The following PTPRS variants were observed in gnomAD, a reference collection of about 807,000 sequenced individuals.
The protein encoded by PTPRS is receptor-type tyrosine-protein phosphatase S.
In PTPRS, 63 loss-of-function variants were observed where a neutral mutation model predicts 215.3. That is an observed-to-expected ratio of 0.29 (90% CI 0.24 to 0.36). The LOEUF (loss-of-function observed/expected upper bound fraction) is 0.36. Ranked by LOEUF, PTPRS falls within the 10% of genes least tolerant of loss-of-function variation. The probability of loss-of-function intolerance (pLI) is 1.00; values close to 1 mark genes in which losing one functional copy is unlikely to be tolerated. For missense variants in PTPRS, 2,258 were observed against 2,825.8 expected (o/e 0.80, Z 4.56); for synonymous variants, 1,404 against 1,191.4 (o/e 1.18, Z -3.68).
intron 1 of PTPRS, among the ~76,000 whole-genome samples, chr19:5,308,283 G>T (rs565378209): frequency 1.3e-5 from 2 of 152,334 alleles, no homozygotes; most frequent in South Asian, 4.1e-4. Context: ...GGATGGGTGA[G>T]AAATGATATC....
intron 9 of PTPRS, 88 bp from the exon 10 acceptor site, chr19:5,246,133 G>A (rs2044462929): frequency 1.5e-6 from 1 of 670,796 alleles, no homozygotes; most frequent in Non-Finnish European, 2.1e-6. Flanking sequence ...ATGCGGAGGA[G>A]AAAAAGAAAA....
At chr19:5,235,651 A>G (rs560552316) in intron 13 of PTPRS, among the ~76,000 whole-genome samples, 1 of 152,248 alleles carries the variant, frequency 6.6e-6, no homozygotes, top group South Asian at 2.1e-4. Context: ...TGCGCCTGGC[A>G]CTAGGCTAAG....
chr19:5,266,903 C>T (rs769970469), intron 4 of PTPRS, among the ~76,000 whole-genome samples: 19 of 152,244 alleles, frequency 1.2e-4, no homozygotes, highest in Admixed American at 2.0e-4. Flanking sequence ...GTCTACTGAT[C>T]GGAACACCAC....
At chr19:5,326,646 A>G (rs2050174725) in intron 1 of PTPRS, among the ~76,000 whole-genome samples, 1 of 151,844 alleles carries the variant, frequency 6.6e-6, no homozygotes, top group Non-Finnish European at 1.5e-5. Flanking sequence ...TGATCGTGCC[A>G]CTGCACTCCA....
chr19:5,281,084 G>A (rs766961810), intron 2 of PTPRS, among the ~76,000 whole-genome samples: 6 of 151,764 alleles, frequency 4.0e-5, no homozygotes, highest in Non-Finnish European at 7.4e-5. Context: ...GAGGCGCCGC[G>A]CCTGGCCCCT....
chr19:5,275,079 T>C lies in PTPRS; in HGVS notation c.92-735A>G, dbSNP rs867669726. Among the ~76,000 whole-genome samples the C allele has an allele frequency of 4.6e-3, 702 of 151,784 alleles. 6 individuals are homozygous for C. The Middle Eastern group carries it at 0.048, about 10-fold the overall frequency. Reference sequence around the variant, plus strand: ...CTGATCGTCATTTTCTTTTCTTTTTTTTTTTTTTCCAGACAGTGTCTCACT... The same window carrying C: ...CTGATCGTCATTTTCTTTTCTTTTTCTTTTTTTTCCAGACAGTGTCTCACT... On this transcript the variant is annotated intron_variant, in intron 2 of 37. Transcript: ENST00000262963.
intron 2 of PTPRS, among the ~76,000 whole-genome samples, chr19:5,275,666 C>T (rs992546086): frequency 9.2e-5 from 14 of 152,106 alleles, no homozygotes; most frequent in Non-Finnish European, 1.9e-4. Flanking sequence ...ATTAGCCAGA[C>T]ATAGTGGTGG....
At position 5,244,521 on chromosome 19, in the gene PTPRS, T is replaced by G. The variant is rs751141891; in HGVS notation, c.989-39A>C. On this transcript the variant is annotated intron_variant, in intron 10 of 37. Transcript: ENST00000262963. The surrounding 1 kb of genome is among the most constrained non-coding windows in gnomAD (Gnocchi z 7.2). The stretch of plus-strand genomic sequence containing the variant: ...GCAGCTGTGTCACGCATTGGGCACA[T>G]TGGTTGAGGACCCTGAAGGCTGTGT... 1 of 1,543,700 alleles carries G rather than the reference T, an allele frequency of 6.5e-7. No homozygotes were observed. The highest frequency in any genetic ancestry group is 8.9e-7 in the Non-Finnish European group (1 of 1,126,014).
At chr19:5,276,473 T>C (rs1003072448) in intron 2 of PTPRS, among the ~76,000 whole-genome samples, 14 of 152,072 alleles carry the variant, frequency 9.2e-5, no homozygotes, top group Non-Finnish European at 1.9e-4. Context: ...TCCACCTACC[T>C]TGGCCTCCCA....
At chr19:5,326,556 C>A (rs183586152) in intron 1 of PTPRS, among the ~76,000 whole-genome samples, 2 of 151,954 alleles carry the variant, frequency 1.3e-5, no homozygotes, top group African/African-American at 4.8e-5. Context: ...CACGGTGGCT[C>A]GTGCCTGTAA....
intron 19 of PTPRS, among the ~76,000 whole-genome samples, 161 bp from the exon 20 acceptor site, chr19:5,221,414 C>A (rs2041966919): frequency 6.6e-6 from 1 of 151,682 alleles, no homozygotes; most frequent in Non-Finnish European, 1.5e-5. Context: ...CAGGCTGAGT[C>A]CCCAACTCTG....
chr19:5,327,656 T>C (rs561840075), intron 1 of PTPRS, among the ~76,000 whole-genome samples: 10 of 152,222 alleles, frequency 6.6e-5, no homozygotes, highest in African/African-American at 2.2e-4. Flanking sequence ...CAGAGTGCAA[T>C]GGGGCATGAT....
At position 5,278,064 on chromosome 19, in the gene PTPRS, G is replaced by A. The variant is rs549128620; in HGVS notation, c.92-3720C>T. On this transcript the variant is annotated intron_variant, in intron 2 of 37. Transcript: ENST00000262963. ...TTCCTCCAAGAAACGCAAAACCAAC[G>A]TGGAAAGGGCCGCCCAGCTGCCGTC... The A allele has an allele frequency of 6.1e-5, 63 of 1,039,030 alleles. 2 individuals are homozygous for A. The highest frequency in any genetic ancestry group is 5.1e-4 in the South Asian group (37 of 72,970). 64.4% of individuals were successfully genotyped at this position (1,039,030 alleles called of 1,614,324 possible). A position where few individuals can be genotyped will look rare whatever the true frequency, so the allele number is the denominator to read the frequency against.
chr19:5,283,965 A>G (rs535478799), intron 2 of PTPRS, among the ~76,000 whole-genome samples: 11 of 152,264 alleles, frequency 7.2e-5, no homozygotes, highest in Admixed American at 2.6e-4. Context: ...CTGTAATCCC[A>G]GTACTTTGGG....
intron 1 of PTPRS, among the ~76,000 whole-genome samples, chr19:5,304,178 G>A (rs894800203): frequency 6.6e-6 from 1 of 152,018 alleles, no homozygotes; most frequent in African/African-American, 2.4e-5. Context: ...TTAAAGGCCA[G>A]GTCTTGGCCA....
At position 5,229,702 on chromosome 19, in the gene PTPRS, A is replaced by G; in HGVS notation, c.2156-18T>C. 3 of 425,822 alleles carry G rather than the reference A, an allele frequency of 7.0e-6. No homozygotes were observed. Among genetic ancestry groups the G allele is most frequent in the Non-Finnish European group, 1.0e-5 (3 of 296,788 alleles). 26.4% of individuals were successfully genotyped at this position (425,822 alleles called of 1,614,324 possible). On this transcript the variant is annotated intron_variant, in intron 14 of 37. Transcript: ENST00000262963. ...GCTGGGCACTGGCGGGCGGGAGGGG[A>G]GGGGAGGGGCGGGCGGAGCCGTTAC...
rs1317820258 is a variant in PTPRS, at chr19:5,210,918, C to A, written c.5235-113G>T. On this transcript the variant is annotated intron_variant, in intron 33 of 37. Transcript: ENST00000262963. The surrounding 1 kb of genome is among the most constrained non-coding windows in gnomAD (Gnocchi z 4.5). ...GCCAGTGACAGCTACACCTACCACC[C>A]CACTGCCTGCCAGGAATGGCTGCTG... 6 of 1,384,834 alleles carry A rather than the reference C, an allele frequency of 4.3e-6. No homozygotes were observed. In the East Asian group the frequency reaches 9.8e-5, roughly 23 times the overall value. The allele number at this position is 1,384,834 out of a possible 1,614,324, so 85.8% of individuals were successfully genotyped here. A position where few individuals can be genotyped will look rare whatever the true frequency, so the allele number is the denominator to read the frequency against.
intron 1 of PTPRS, among the ~76,000 whole-genome samples, chr19:5,335,070 C>T (rs1187736465): frequency 6.6e-6 from 1 of 152,178 alleles, no homozygotes; most frequent in Non-Finnish European, 1.5e-5. Context: ...CCTGAATTTC[C>T]GCAAACTCTC....
Position 5,294,052 on chromosome 19 carries a change from G to A in PTPRS, c.-94-7818C>T, listed in dbSNP as rs780390877. On this transcript the variant is annotated intron_variant, in intron 1 of 37. Coordinates refer to ENST00000262963, the MANE Select transcript of PTPRS (RefSeq NM_002850.4). The surrounding 1 kb of genome is among the most constrained non-coding windows in gnomAD (Gnocchi z 5.1). ...GAATGTAGAAGCCCAGCGGGACCTG[G>A]GGGTCTGGGGACGGGACAGGGGCAG... Among the ~76,000 whole-genome samples the A allele has an allele frequency of 1.3e-5, 2 of 152,178 alleles. No homozygotes were observed. Among genetic ancestry groups the A allele is most frequent in the Non-Finnish European group, 2.9e-5 (2 of 68,036 alleles).
Sources: allele counts gnomAD v4.1 joint callset (sites outside exome capture counted in the v4.1 genomes callset), GRCh38; gene constraint gnomAD v4.1.1; non-coding constraint Gnocchi (gnomAD v3.1); transcripts MANE v1.5; gene names NCBI Gene and HGNC (gene_info 2026-07-23, HGNC 2026-07-21).